Variants in RELL1 observed in about 807,000 individuals in gnomAD.
The protein encoded by RELL1 is RELT-like protein 1.
In RELL1, 10 loss-of-function variants were observed where a neutral mutation model predicts 23.0. The observed-to-expected ratio is 0.43, with a 90% CI of 0.27 to 0.74. The LOEUF is 0.74. Among genes scored for constraint, RELL1 ranks in the 30% least tolerant of loss-of-function variants. The probability of loss-of-function intolerance (pLI) is 0.19; values close to 1 mark genes in which losing one functional copy is unlikely to be tolerated. For missense variants in RELL1, 315 were observed against 364.4 expected, an observed-to-expected ratio of 0.86 and a Z score of 1.10; for synonymous variants, 146 against 146.8, an observed-to-expected ratio of 0.99 and a Z score of 0.04.
At chr4:37,683,325 ACCT>A (rs1428364312) in intron 1 of RELL1, among the ~76,000 whole-genome samples, 4 of 152,002 alleles carry the variant, frequency 2.6e-5, no homozygotes, top group Admixed American at 6.5e-5. Context: ...ATACACAGAC[ACCT>A]CCTAGTGGTT....
At chr4:37,670,460 G>T (rs1263980701) in intron 1 of RELL1, among the ~76,000 whole-genome samples, 1 of 152,118 alleles carries the variant, frequency 6.6e-6, no homozygotes, top group Non-Finnish European at 1.5e-5. Context: ...CAGGAAACAA[G>T]AGTCAAAGAA....
At chr4:37,627,825 C>T (rs1007271199) in intron 6 of RELL1, among the ~76,000 whole-genome samples, 1 of 152,114 alleles carries the variant, frequency 6.6e-6, no homozygotes, top group Non-Finnish European at 1.5e-5. Flanking sequence ...TGAGCAAAAA[C>T]CTCTTTCAGG....
chr4:37,657,986 G>A (rs947757102), intron 1 of RELL1, among the ~76,000 whole-genome samples: 1 of 152,070 alleles, frequency 6.6e-6, no homozygotes, highest in African/African-American at 2.4e-5. Context: ...AAATGTACCT[G>A]CAGTCCCAAC....
chr4:37,663,007 C>CAACT (rs970729557), intron 1 of RELL1, among the ~76,000 whole-genome samples: 21 of 152,156 alleles, frequency 1.4e-4, no homozygotes, highest in African/African-American at 4.8e-4. Context: ...AGGAAGCCAC[C>CAACT]AACTGTGCCT....
chr4:37,637,096 A>G (rs575921130), intron 4 of RELL1, among the ~76,000 whole-genome samples: 1 of 152,228 alleles, frequency 6.6e-6, no homozygotes. Flanking sequence ...AGCTATGTAC[A>G]AAACCCACTG....
At chr4:37,630,344 C>CGT (rs1220684482) in intron 6 of RELL1, among the ~76,000 whole-genome samples, 3 of 140,174 alleles carry the variant, frequency 2.1e-5, no homozygotes, top group Admixed American at 7.3e-5. Flanking sequence ...GGTTCTGGTG[C>CGT]GTGTGTGTGT....
intron 6 of RELL1, among the ~76,000 whole-genome samples, chr4:37,604,009 TC>T (rs1247048771): frequency 1.3e-5 from 2 of 151,744 alleles, no homozygotes; most frequent in Non-Finnish European, 2.9e-5. Context: ...TTTCAAAGAG[TC>T]AGGGTTTTTT....
chr4:37,628,968 A>G (rs938156298), intron 6 of RELL1, among the ~76,000 whole-genome samples: 2 of 152,244 alleles, frequency 1.3e-5, no homozygotes, highest in African/African-American at 4.8e-5. Context: ...CAAAAAAACC[A>G]GCTGAGCAAT....
chr4:37,650,675 G>A (rs993357526), intron 1 of RELL1, among the ~76,000 whole-genome samples: 3 of 152,044 alleles, frequency 2.0e-5, no homozygotes, highest in African/African-American at 7.3e-5. Flanking sequence ...AGTATCACAT[G>A]AATATATATA....
intron 1 of RELL1, among the ~76,000 whole-genome samples, chr4:37,654,437 C>A (rs1721054016): frequency 6.6e-6 from 1 of 152,138 alleles, no homozygotes; most frequent in South Asian, 2.1e-4. Flanking sequence ...TTGTGATCTA[C>A]CTTAACAATT....
At chr4:37,591,662 ATTAC>A (rs543900908) in intron 6 of RELL1, 1 of 152,302 alleles carries the variant, frequency 6.6e-6, no homozygotes, top group East Asian at 1.9e-4. Context: ...TTTTTACATT[ATTAC>A]TTTTAAATCT....
At chr4:37,663,046 C>T (rs1721409287) in intron 1 of RELL1, among the ~76,000 whole-genome samples, 1 of 152,186 alleles carries the variant, frequency 6.6e-6, no homozygotes, top group African/African-American at 2.4e-5. Context: ...GAGATTCCCA[C>T]AGACCCTCAC....
intron 1 of RELL1, among the ~76,000 whole-genome samples, chr4:37,669,841 A>T (rs1026053076): frequency 6.6e-6 from 1 of 151,632 alleles, no homozygotes; most frequent in Non-Finnish European, 1.5e-5. Flanking sequence ...TGAAGGCAGC[A>T]TGCTCGTTAA....
chr4:37,683,482 C>A (rs1577615967), intron 1 of RELL1, among the ~76,000 whole-genome samples: 1 of 152,174 alleles, frequency 6.6e-6, no homozygotes, highest in Admixed American at 6.5e-5. Flanking sequence ...GAAGGCTGGG[C>A]GCGGTGGCTC....
chr4:37,617,815 A>T (rs991627969), intron 6 of RELL1, among the ~76,000 whole-genome samples: 2 of 152,232 alleles, frequency 1.3e-5, no homozygotes, highest in African/African-American at 4.8e-5. Flanking sequence ...CAGTAACTCA[A>T]TTTTAAAATT....
At chr4:37,601,998 G>C (rs1326635657) in intron 6 of RELL1, among the ~76,000 whole-genome samples, 1 of 152,078 alleles carries the variant, frequency 6.6e-6, no homozygotes. Context: ...CAGATCGTTT[G>C]AGCTCAGGAG....
intron 6 of RELL1, chr4:37,591,280 G>C: frequency 3.2e-6 from 1 of 316,104 alleles, no homozygotes; most frequent in Non-Finnish European, 5.9e-6. Context: ...AAGTTGAACA[G>C]CTTGCTTGAC....
intron 1 of RELL1, among the ~76,000 whole-genome samples, chr4:37,671,272 A>G (rs11096897): frequency 0.99 from 150,449 of 152,308 alleles, 74,330 homozygotes; most frequent in East Asian, 1. Context: ...TTGAACCAGA[A>G]TAACTCCATC....
downstream of RELL1, chr4:37,588,685 G>T: frequency 1.8e-6 from 1 of 570,088 alleles, no homozygotes; most frequent in Non-Finnish European, 3.1e-6. Flanking sequence ...GGGTATTCCT[G>T]GTAACCAGCA....
Sources: allele counts gnomAD v4.1 joint callset (sites outside exome capture counted in the v4.1 genomes callset), GRCh38; gene constraint gnomAD v4.1.1; transcripts MANE v1.5; gene names NCBI Gene and HGNC (gene_info 2026-07-23, HGNC 2026-07-21).